ACP7: variants seen among roughly 807,000 people sequenced by gnomAD.
ACP7 encodes the protein acid phosphatase type 7.
A neutral mutation model predicts 60.6 loss-of-function variants in ACP7; 58 were observed. The ratio of observed to expected loss-of-function variants is 0.96; its 90% CI spans 0.77 to 1.19. ACP7 has a LOEUF of 1.19. Among genes scored for constraint, ACP7 ranks in the 50% most tolerant of loss-of-function variants. ACP7 has a pLI of 0.00. For missense variants in ACP7, 574 were observed against 596.2 expected (o/e 0.96, Z 0.39); for synonymous variants, 237 against 232.6 (o/e 1.02, Z -0.17).
chr19:39,091,445 G>A (rs2073203451), intron 2 of ACP7, among the ~76,000 whole-genome samples: 1 of 152,090 alleles, frequency 6.6e-6, no homozygotes, highest in African/African-American at 2.4e-5. Context: ...ACAGGCATGA[G>A]CCACTGTGCC....
intron 3 of ACP7, 40 bp from the exon 4 acceptor site, chr19:39,098,920 G>T: frequency 6.4e-7 from 1 of 1,571,034 alleles, no homozygotes; most frequent in Admixed American, 1.7e-5. Flanking sequence ...AGGGTCCCGG[G>T]GCGCCCCAGC....
intron 2 of ACP7, among the ~76,000 whole-genome samples, chr19:39,086,446 A>G (rs1486058656): frequency 1.3e-5 from 2 of 152,018 alleles, no homozygotes; most frequent in Non-Finnish European, 2.9e-5. Context: ...CCTGGGTAAC[A>G]TGGGTGAAAC....
At chr19:39,098,292 A>G (rs985711001) in intron 2 of ACP7, among the ~76,000 whole-genome samples, 166 bp from the exon 3 acceptor site, 1 of 151,708 alleles carries the variant, frequency 6.6e-6, no homozygotes, top group African/African-American at 2.4e-5. Context: ...AAAGAAAAGA[A>G]AAGAAAAGAA....
At chr19:39,086,913 A>C (rs1416822296) in intron 2 of ACP7, among the ~76,000 whole-genome samples, 1 of 152,222 alleles carries the variant, frequency 6.6e-6, no homozygotes, top group African/African-American at 2.4e-5. Flanking sequence ...CTTCAGTATT[A>C]ATGTATATGA....
rs185981810 is a variant in ACP7, at chr19:39,094,906, A to C, written c.122-3552A>C. 1.0e-3 allele frequency among the ~76,000 whole-genome samples: 159 copies of C among 152,296 alleles called. 1 individual carries two copies. Among genetic ancestry groups the C allele is most frequent in the Admixed American group, 1.4e-3 (22 of 15,270 alleles). On this transcript the variant is annotated intron_variant, in intron 2 of 12. Transcript: ENST00000331256. ...AGGCACTTCTTACATGGTGGTGGCAAGAGAAAATGAGGAAAAGCAGAAGCA... is the reference window on the plus strand; with the variant it reads ...AGGCACTTCTTACATGGTGGTGGCACGAGAAAATGAGGAAAAGCAGAAGCA...
Position 39,090,476 on chromosome 19 carries a change from T to TATAA in ACP7, c.121+5086_121+5087insATAA, listed in dbSNP as rs1555766900. On this transcript the variant is annotated intron_variant, in intron 2 of 12. Transcript: ENST00000331256. ...GAGCCACTGTGCCCGGCCAATAACTTTTAATTAATTAATTAATTAATTTTG... is the reference window on the plus strand; with the variant it reads ...GAGCCACTGTGCCCGGCCAATAACTTATAATTAATTAATTAATTAATTAATTTTG... 3.3e-4 allele frequency among the ~76,000 whole-genome samples: 50 copies of TATAA among 150,898 alleles called. No homozygotes were observed. The South Asian group carries it at 0.01, about 31-fold the overall frequency.
At chr19:39,087,702 T>C (rs1180848955) in intron 2 of ACP7, among the ~76,000 whole-genome samples, 4 of 151,600 alleles carry the variant, frequency 2.6e-5, no homozygotes, top group South Asian at 2.1e-4. Flanking sequence ...GGCATGATCT[T>C]GGCTCACTGC....
chr19:39,106,333 G>A (rs921739144), intron 11 of ACP7, among the ~76,000 whole-genome samples: 3 of 152,092 alleles, frequency 2.0e-5, no homozygotes, highest in Admixed American at 6.6e-5. Flanking sequence ...GCTTTGCGAT[G>A]GCTGTGCTAT....
chr19:39,102,675 T>C (rs1052978265), intron 11 of ACP7, among the ~76,000 whole-genome samples: 2 of 151,706 alleles, frequency 1.3e-5, no homozygotes, highest in African/African-American at 4.8e-5. Flanking sequence ...TAGTGGACGC[T>C]GCCTGTTAAC....
Position 39,085,348 on chromosome 19 carries a change from G to T in ACP7, c.79G>T (p.Ala27Ser), listed in dbSNP as rs773077182. The T allele has an allele frequency of 6.2e-7, 1 of 1,613,394 alleles. No homozygotes were observed. The highest frequency in any genetic ancestry group is 8.5e-7 in the Non-Finnish European group (1 of 1,179,658). Reference sequence around the variant, plus strand: ...CTTGGGAGTCCAGGGGTCCCTGGGGGCTCCCAGCGCTGCCCCAGAGCAAGT... The same window carrying T: ...CTTGGGAGTCCAGGGGTCCCTGGGGTCTCCCAGCGCTGCCCCAGAGCAAGT... The part of the protein sequence containing the change: ...FSLGVQGSLG[A>S]PSAAPEQVHL... The change falls in exon 2 of 13, where the codon GCT (alanine) becomes TCT (serine). Residue 27 changes from alanine (A) to serine (S), a missense_variant. Coordinates refer to ENST00000331256, the MANE Select transcript of ACP7 (RefSeq NM_001004318.3).
intron 2 of ACP7, among the ~76,000 whole-genome samples, chr19:39,093,081 GTTTCTTTCT>G (rs1283204577): frequency 9.6e-6 from 1 of 103,664 alleles, no homozygotes; most frequent in Non-Finnish European, 2.1e-5. Context: ...CCTGGCCCCC[GTTTCTTTCT>G]TTTCTTTCTT....
intron 11 of ACP7, among the ~76,000 whole-genome samples, chr19:39,105,260 C>T (rs2073399097): frequency 6.6e-6 from 1 of 151,880 alleles, no homozygotes; most frequent in African/African-American, 2.4e-5. Flanking sequence ...CGTGATCTGC[C>T]CGCCTCGGCC....
intron 2 of ACP7, among the ~76,000 whole-genome samples, chr19:39,097,909 A>C (rs1175170637): frequency 6.6e-6 from 1 of 152,092 alleles, no homozygotes; most frequent in Non-Finnish European, 1.5e-5. Context: ...TCCATTTTAC[A>C]GACAGGAAAA....
intron 2 of ACP7, among the ~76,000 whole-genome samples, chr19:39,088,744 T>TTTGC (rs2073171867): frequency 1.3e-5 from 2 of 151,696 alleles, no homozygotes; most frequent in Non-Finnish European, 2.9e-5. Context: ...TGTTTGTTTG[T>TTTGC]TTGTTTGTTT....
chr19:39,085,376 A>C lies in ACP7; in HGVS notation c.107A>C (p.His36Pro), dbSNP rs2073129678. 6.2e-7 allele frequency: 1 copy of C among 1,611,914 alleles called. No individual in the cohort carries two copies. Among genetic ancestry groups the C allele is most frequent in the Non-Finnish European group, 8.5e-7 (1 of 1,178,962 alleles). ...CCCAGCGCTGCCCCAGAGCAAGTCC[A>C]TCTGTCTTACCCAGGTAAGTGTCCC... ...GAPSAAPEQV[H>P]LSYPGEPGSM... The change falls in exon 2 of 13, where the codon CAT becomes CCT. Residue 36 changes from histidine (H) to proline (P), a missense_variant. Physicochemically the swap from His to Pro is moderately conservative, Grantham distance 77 (BLOSUM62 -2). Coordinates refer to ENST00000331256, the MANE Select transcript of ACP7 (RefSeq NM_001004318.3).
intron 3 of ACP7, 119 bp from the exon 4 acceptor site, chr19:39,098,841 A>G (rs1453008863): frequency 1.4e-6 from 2 of 1,440,166 alleles, no homozygotes; most frequent in Non-Finnish European, 1.9e-6. Flanking sequence ...CCGAAGGGGC[A>G]TGGGCCAGCC....
chr19:39,104,838 T>A, intron 11 of ACP7, among the ~76,000 whole-genome samples: 1 of 151,768 alleles, frequency 6.6e-6, no homozygotes, highest in East Asian at 2.0e-4. Flanking sequence ...TGAGCCGAGA[T>A]CGTGCCATTG....
At chr19:39,100,532 A>G in intron 5 of ACP7, 48 bp from the exon 6 acceptor site, 1 of 1,607,872 alleles carries the variant, frequency 6.2e-7, no homozygotes, top group Non-Finnish European at 8.5e-7. Flanking sequence ...GAGTAGGGCT[A>G]TGAAATTCAG....
At chr19:39,088,185 C>A (rs1296481822) in intron 2 of ACP7, among the ~76,000 whole-genome samples, 1 of 151,890 alleles carries the variant, frequency 6.6e-6, no homozygotes, top group African/African-American at 2.4e-5. Context: ...CCATGCCTGG[C>A]TAATTCTTTT....
Sources: gnomAD v4.1 joint callset for allele counts (sites outside exome capture counted in the v4.1 genomes callset) on GRCh38, gnomAD v4.1.1 for gene constraint, MANE v1.5 for transcripts, NCBI Gene and HGNC (gene_info 2026-07-23, HGNC 2026-07-21) for gene names.